POLQ: variants seen among roughly 807,000 people sequenced by gnomAD.
POLQ encodes DNA polymerase theta.
In POLQ, 233 loss-of-function variants were observed where a neutral mutation model predicts 259.2. The observed-to-expected ratio is 0.90, with a 90% CI of 0.81 to 1.00. The LOEUF is 1.00. Ranked by LOEUF, POLQ falls within the 50% of genes least tolerant of loss-of-function variation. The pLI, the probability that POLQ is intolerant of heterozygous loss-of-function variation, is 0.00. For missense variants in POLQ, 2,871 were observed against 3,051.6 expected (o/e 0.94, Z 1.39); for synonymous variants, 1,025 against 1,048.8 (o/e 0.98, Z 0.44).
At chr3:121,536,903 C>T (rs2048455341) in intron 5 of POLQ, among the ~76,000 whole-genome samples, 197 bp downstream of exon 5, 1 of 152,094 alleles carries the variant, frequency 6.6e-6, no homozygotes, top group African/African-American at 2.4e-5. Context: ...ATCAGCCTTC[C>T]AAAGTGCTGG....
intron 12 of POLQ, among the ~76,000 whole-genome samples, chr3:121,502,179 A>C (rs1194171466): frequency 6.7e-6 from 1 of 149,502 alleles, no homozygotes; most frequent in Non-Finnish European, 1.5e-5. Context: ...GGCAACTTAT[A>C]AAACAATATG....
At chr3:121,445,558 T>G (rs191113116) in intron 26 of POLQ, among the ~76,000 whole-genome samples, 1 of 152,234 alleles carries the variant, frequency 6.6e-6, no homozygotes, top group East Asian at 1.9e-4. Context: ...ATTTTATCTT[T>G]TCAAAAAACC....
intron 9 of POLQ, among the ~76,000 whole-genome samples, chr3:121,519,360 A>ATATG (rs2048320536): frequency 1.5e-4 from 1 of 6,574 alleles, no homozygotes; most frequent in Non-Finnish European, 6.0e-4. Flanking sequence ...ACAGTTGATG[A>ATATG]TATATATATA....
chr3:121,515,849 T>C (rs2048290848), intron 9 of POLQ, among the ~76,000 whole-genome samples: 1 of 151,788 alleles, frequency 6.6e-6, no homozygotes, highest in African/African-American at 2.4e-5. Flanking sequence ...TGAAGATCTG[T>C]GAAATGAGAA....
intron 12 of POLQ, among the ~76,000 whole-genome samples, chr3:121,502,006 A>G (rs1220537637): frequency 1.3e-5 from 2 of 151,402 alleles, no homozygotes; most frequent in Admixed American, 6.6e-5. Flanking sequence ...AAAAAAAAAA[A>G]GCAAAGAAAT....
intron 5 of POLQ, among the ~76,000 whole-genome samples, chr3:121,536,350 A>G (rs2048450506): frequency 6.6e-6 from 1 of 152,320 alleles, no homozygotes; most frequent in African/African-American, 2.4e-5. Flanking sequence ...CTTTCATAGT[A>G]AAAGTCAAGA....
At chr3:121,448,600 C>T (rs1049835818) in intron 26 of POLQ, among the ~76,000 whole-genome samples, 23 of 151,880 alleles carry the variant, frequency 1.5e-4, no homozygotes, top group Admixed American at 7.9e-4. Context: ...CTCTTGACCT[C>T]GTGATCTGTC....
chr3:121,477,900 A>T (rs1030284431), intron 19 of POLQ, among the ~76,000 whole-genome samples: 19 of 152,164 alleles, frequency 1.2e-4, no homozygotes, highest in African/African-American at 3.9e-4. Context: ...CTCTAACTAC[A>T]TGCAGAAGGT....
chr3:121,491,346 C>CAAAAAAAAAAAAAAA (rs3045625), intron 15 of POLQ, among the ~76,000 whole-genome samples: 4 of 77,974 alleles, frequency 5.1e-5, no homozygotes, highest in Non-Finnish European at 6.7e-5. Flanking sequence ...GAGACTGTCA[C>CAAAAAAAAAAAAAAA]AAAAAAAAAA....
chr3:121,533,811 G>A (rs1312259983), intron 5 of POLQ, among the ~76,000 whole-genome samples: 1 of 151,888 alleles, frequency 6.6e-6, no homozygotes, highest in African/African-American at 2.4e-5. Flanking sequence ...ACTGTGCCCA[G>A]CCAGTATTTC....
rs745991579 is a variant in POLQ at position 121,476,772 on chromosome 3, C to A, written c.6212-39G>T. ...GAAAATTAAAACGTTAATTCATTGG[C>A]TAAGTGGCTAGATCAGCAGCCTTAC... On this transcript the variant is annotated intron_variant, in intron 19 of 29. Coordinates refer to ENST00000264233, the MANE Select transcript of POLQ (RefSeq NM_199420.4). 12 of 1,400,898 alleles carry A rather than the reference C, an allele frequency of 8.6e-6. No individual in the cohort carries two copies. The South Asian group carries it at 1.1e-4, about 13-fold the overall frequency. 86.8% of individuals were successfully genotyped at this position (1,400,898 alleles called of 1,614,324 possible).
At position 121,472,044 on chromosome 3, in the gene POLQ, G is replaced by A. The variant is rs1299260065; in HGVS notation, c.6664C>T (p.Pro2222Ser). 42 of 1,588,928 alleles carry A rather than the reference G, an allele frequency of 2.6e-5. No homozygotes were observed. Among genetic ancestry groups the A allele is most frequent in the Non-Finnish European group, 3.4e-5 (40 of 1,162,076 alleles). The change falls in exon 22 of 30, where the codon CCT becomes TCT. Residue 2222 changes from proline to serine, a missense_variant. This residue lies in a region of POLQ where 2,080 missense variants were observed against 2,126.0 expected (regional missense o/e 0.98). Coordinates refer to ENST00000264233, the MANE Select transcript of POLQ (RefSeq NM_199420.4). Reference sequence around the variant, plus strand: ...TAGATTCTTTCCATTCCAAGAAAAGGATTAAGACACTTTTCCCGCTGAAGG... The same window carrying A: ...TAGATTCTTTCCATTCCAAGAAAAGAATTAAGACACTTTTCCCGCTGAAGG... Reference protein sequence around the residue: ...FPLQREKCLNPFLGMERIYPV... With the variant: ...FPLQREKCLNSFLGMERIYPV...
At chr3:121,484,897 T>TG (rs2047999108) in intron 17 of POLQ, 144 bp downstream of exon 17, 1 of 619,372 alleles carries the variant, frequency 1.6e-6, no homozygotes, top group Admixed American at 3.5e-5. Flanking sequence ...TGACATTCTG[T>TG]CTCAAAAAAC....
intron 24 of POLQ, 43 bp from the exon 25 acceptor site, chr3:121,460,277 A>G (rs1339741284): frequency 2.8e-6 from 4 of 1,413,026 alleles, no homozygotes; most frequent in Non-Finnish European, 4.0e-6. Context: ...CAAAGTTTCT[A>G]TATCACACAA....
chr3:121,527,176 T>C (rs747286206), intron 7 of POLQ, among the ~76,000 whole-genome samples: 2 of 152,156 alleles, frequency 1.3e-5, no homozygotes, highest in African/African-American at 2.4e-5. Context: ...TTCTCCTGCC[T>C]CAGCCTCCCA....
chr3:121,522,182 T>A, intron 7 of POLQ, 33 bp from the exon 8 acceptor site: 2 of 1,552,018 alleles, frequency 1.3e-6, no homozygotes, highest in Non-Finnish European at 1.7e-6. Flanking sequence ...ACCATTTGCT[T>A]CTAACTCAGC....
intron 19 of POLQ, among the ~76,000 whole-genome samples, chr3:121,480,544 C>T (rs760172359): frequency 6.6e-6 from 1 of 151,676 alleles, no homozygotes; most frequent in Non-Finnish European, 1.5e-5. Context: ...TGGTCTCAAA[C>T]TTCTGGGCTC....
intron 9 of POLQ, among the ~76,000 whole-genome samples, chr3:121,517,524 G>A (rs1271482456): frequency 6.6e-6 from 1 of 152,164 alleles, no homozygotes; most frequent in African/African-American, 2.4e-5. Context: ...AGTGGAGCAC[G>A]TGGCCACCCA....
At chr3:121,544,947 A>T (rs1216159147) in intron 1 of POLQ, 41 bp from the exon 2 acceptor site, 5 of 1,297,718 alleles carry the variant, frequency 3.9e-6, no homozygotes, top group Non-Finnish European at 5.4e-6. Context: ...ATTTACTTCT[A>T]ATATATGAGT....
Sources: allele counts gnomAD v4.1 joint callset (sites outside exome capture counted in the v4.1 genomes callset), GRCh38; gene constraint gnomAD v4.1.1; regional missense constraint gnomAD v4.1.1; transcripts MANE v1.5; gene names NCBI Gene and HGNC (gene_info 2026-07-23, HGNC 2026-07-21).